Variants in AKAP19 observed in about 807,000 individuals in gnomAD.
The protein encoded by AKAP19 is small A-kinase anchoring protein.
At chr2:189,896,711 T>A in the AKAP19 span, among the ~76,000 whole-genome samples, 3 of 152,084 alleles carry the variant, frequency 2.0e-5, no homozygotes, top group African/African-American at 7.2e-5. Context: ...AATTGAATTT[T>A]AGGCAATATA....
the AKAP19 span, among the ~76,000 whole-genome samples, chr2:189,924,799 A>G: frequency 2.6e-5 from 4 of 152,162 alleles, no homozygotes; most frequent in East Asian, 5.8e-4. Flanking sequence ...TCTAAAGTTG[A>G]TACTGTGGGT....
the AKAP19 span, among the ~76,000 whole-genome samples, chr2:190,194,362 T>TATAG: frequency 2.0e-4 from 30 of 152,142 alleles, no homozygotes; most frequent in African/African-American, 7.2e-4. Flanking sequence ...GTGTATCTTT[T>TATAG]ATAGATAGCA....
At chr2:190,176,366 GAC>G in the AKAP19 span, among the ~76,000 whole-genome samples, 1 of 152,048 alleles carries the variant, frequency 6.6e-6, no homozygotes, top group Non-Finnish European at 1.5e-5. The surrounding 1 kb of genome is among the most constrained non-coding windows in gnomAD (Gnocchi z 4.7). Flanking sequence ...TTTTTTTCTT[GAC>G]ACAGAGTCTC....
At chr2:190,071,059 A>G in the AKAP19 span, among the ~76,000 whole-genome samples, 1 of 152,190 alleles carries the variant, frequency 6.6e-6, no homozygotes, top group African/African-American at 2.4e-5. Flanking sequence ...GATGATCCCA[A>G]CTGAGTGTGG....
the AKAP19 span, among the ~76,000 whole-genome samples, chr2:190,069,496 T>A: frequency 2.0e-5 from 3 of 152,176 alleles, no homozygotes; most frequent in Non-Finnish European, 2.9e-5. Context: ...AAATGTATAG[T>A]TGTAAAACCA....
chr2:189,931,729 C>T, the AKAP19 span, among the ~76,000 whole-genome samples: 1 of 152,058 alleles, frequency 6.6e-6, no homozygotes, highest in Non-Finnish European at 1.5e-5. Flanking sequence ...GGTGATTCTC[C>T]CACCTCAGCC....
At chr2:189,923,961 G>A in the AKAP19 span, 12 of 1,608,814 alleles carry the variant, frequency 7.5e-6, no homozygotes, top group Non-Finnish European at 1.0e-5. Context: ...AAGGAACAGA[G>A]CAAACAAGCA....
At chr2:189,898,200 G>GAA in the AKAP19 span, among the ~76,000 whole-genome samples, 40 of 134,002 alleles carry the variant, frequency 3.0e-4, no homozygotes, top group African/African-American at 1.0e-3. Flanking sequence ...TCCAAAAAAT[G>GAA]AAAAAAAAAA....
the AKAP19 span, among the ~76,000 whole-genome samples, chr2:189,981,560 G>T: frequency 6.6e-6 from 1 of 152,154 alleles, no homozygotes. Flanking sequence ...TTTGCTAGTT[G>T]CTTTGTGGTC....
At chr2:190,109,765 T>C in the AKAP19 span, among the ~76,000 whole-genome samples, 1 of 152,178 alleles carries the variant, frequency 6.6e-6, no homozygotes, top group African/African-American at 2.4e-5. Context: ...AAGAAACCTA[T>C]AACTTCAGAG....
At chr2:190,060,307 T>C in the AKAP19 span, 1 of 1,613,114 alleles carries the variant, frequency 6.2e-7, no homozygotes, top group Non-Finnish European at 8.5e-7. Flanking sequence ...ACAAACACTG[T>C]TGTAGGAGTC....
the AKAP19 span, among the ~76,000 whole-genome samples, chr2:190,000,887 A>G: frequency 6.6e-6 from 1 of 152,144 alleles, no homozygotes; most frequent in Non-Finnish European, 1.5e-5. Flanking sequence ...TCTAGGATCT[A>G]TAGATTTATG....
the AKAP19 span, among the ~76,000 whole-genome samples, chr2:190,124,299 T>G: frequency 0.52 from 78,618 of 152,062 alleles, 20,718 homozygotes; most frequent in Middle Eastern, 0.62. Flanking sequence ...ACATGAGAGA[T>G]TATACTTACA....
the AKAP19 span, among the ~76,000 whole-genome samples, chr2:190,141,233 A>G: frequency 6.6e-6 from 1 of 151,616 alleles, no homozygotes; most frequent in Non-Finnish European, 1.5e-5. Context: ...ACTTTTCCTT[A>G]TTTTCCTGTC....
chr2:190,094,287 A>G, the AKAP19 span, among the ~76,000 whole-genome samples: 2 of 152,250 alleles, frequency 1.3e-5, no homozygotes, highest in Non-Finnish European at 2.9e-5. Context: ...TGTTTAAAGC[A>G]TTCCCCTAGT....
At chr2:190,156,886 G>A in the AKAP19 span, among the ~76,000 whole-genome samples, 3 of 152,180 alleles carry the variant, frequency 2.0e-5, no homozygotes, top group South Asian at 6.2e-4. Context: ...CCCATCATAG[G>A]AATCTATCCC....
the AKAP19 span, among the ~76,000 whole-genome samples, chr2:190,166,666 C>T: frequency 1.3e-5 from 2 of 151,786 alleles, no homozygotes; most frequent in Admixed American, 1.3e-4. Context: ...GTAGAGAAAC[C>T]ATTTGCTTAT....
chr2:189,912,749 C>T, the AKAP19 span, among the ~76,000 whole-genome samples: 11 of 151,996 alleles, frequency 7.2e-5, no homozygotes, highest in Non-Finnish European at 1.6e-4. Context: ...CATTTTACTG[C>T]ATGTTAGGCA....
chr2:190,120,754 T>C, the AKAP19 span, among the ~76,000 whole-genome samples: 2 of 152,232 alleles, frequency 1.3e-5, no homozygotes, highest in African/African-American at 4.8e-5. Context: ...AGAACAACTG[T>C]AATTTTTGCC....
Sources: gnomAD v4.1 joint callset for allele counts (sites outside exome capture counted in the v4.1 genomes callset) on GRCh38, gnomAD v4.1.1 for gene constraint, Gnocchi (gnomAD v3.1) non-coding constraint, MANE v1.5 for transcripts, NCBI Gene and HGNC (gene_info 2026-07-23, HGNC 2026-07-21) for gene names.